Variants in NCAM1 observed in about 807,000 individuals in gnomAD.
NCAM1 encodes neural cell adhesion molecule 1.
In NCAM1, 14 loss-of-function variants were observed where a neutral mutation model predicts 109.8. The ratio of observed to expected loss-of-function variants is 0.13; its 90% CI spans 0.08 to 0.20. The LOEUF is 0.20. NCAM1 is among the 10% of genes least tolerant of loss of function. The pLI is 1.00. For missense variants in NCAM1, 774 were observed against 1,109.9 expected, an observed-to-expected ratio of 0.70 and a Z score of 4.30; for synonymous variants, 418 against 442.9, an observed-to-expected ratio of 0.94 and a Z score of 0.70.
At chr11:113,144,840 A>T (rs1941956806) in intron 1 of NCAM1, among the ~76,000 whole-genome samples, 1 of 152,202 alleles carries the variant, frequency 6.6e-6, no homozygotes. Flanking sequence ...CCTGGGGCAT[A>T]ATAGGTGTTG....
intron 1 of NCAM1, among the ~76,000 whole-genome samples, chr11:112,986,045 G>A (rs1421740654): frequency 6.6e-6 from 1 of 151,778 alleles, no homozygotes; most frequent in Non-Finnish European, 1.5e-5. Context: ...TTAGTTGTAG[G>A]CTAACATATA....
intron 1 of NCAM1, among the ~76,000 whole-genome samples, chr11:113,193,258 C>A (rs1456809799): frequency 6.6e-6 from 1 of 152,178 alleles, no homozygotes; most frequent in African/African-American, 2.4e-5. Context: ...TGGCTATGTG[C>A]TTGATCCACG....
chr11:113,178,827 C>T (rs575837507), intron 1 of NCAM1, among the ~76,000 whole-genome samples: 264 of 152,278 alleles, frequency 1.7e-3, no homozygotes, highest in Non-Finnish European at 2.9e-3. Context: ...TTACAGCATT[C>T]GAAGGCCAAC....
At chr11:113,004,475 G>A (rs1253649549) in intron 1 of NCAM1, among the ~76,000 whole-genome samples, 2 of 151,406 alleles carry the variant, frequency 1.3e-5, no homozygotes, top group Admixed American at 6.6e-5. Context: ...CTGGGTGACA[G>A]AGCAAGATTT....
chr11:113,005,890 T>C (rs1414649353), intron 1 of NCAM1, among the ~76,000 whole-genome samples: 1 of 152,224 alleles, frequency 6.6e-6, no homozygotes, highest in Non-Finnish European at 1.5e-5. Flanking sequence ...AATTTGGTTA[T>C]TCTGATTTTT....
chr11:113,161,071 T>C (rs1942584441), intron 1 of NCAM1, among the ~76,000 whole-genome samples: 1 of 151,926 alleles, frequency 6.6e-6, no homozygotes, highest in Admixed American at 6.6e-5. Flanking sequence ...GAGAAGAGAG[T>C]TGAGGGACAG....
chr11:113,189,666 G>A (rs1424381685), intron 1 of NCAM1, among the ~76,000 whole-genome samples: 1 of 152,006 alleles, frequency 6.6e-6, no homozygotes, highest in Non-Finnish European at 1.5e-5. Flanking sequence ...CCTTGGGGGT[G>A]AGGGGCTGTC....
chr11:113,155,518 A>G (rs1045757903), intron 1 of NCAM1, among the ~76,000 whole-genome samples: 1 of 151,826 alleles, frequency 6.6e-6, no homozygotes, highest in South Asian at 2.1e-4. Flanking sequence ...TAAAAAAAAA[A>G]ACAAAAAACA....
chr11:113,210,294 G>T (rs549646908), intron 7 of NCAM1, among the ~76,000 whole-genome samples: 5 of 152,074 alleles, frequency 3.3e-5, no homozygotes, highest in Non-Finnish European at 7.3e-5. Context: ...TCCTCATCAC[G>T]CCCCTATGAT....
intron 1 of NCAM1, among the ~76,000 whole-genome samples, chr11:113,021,003 C>T (rs1010645786): frequency 6.6e-6 from 1 of 152,088 alleles, no homozygotes; most frequent in African/African-American, 2.4e-5. Context: ...GTGATCTGCC[C>T]CCATCGGCCT....
chr11:113,135,111 G>A (rs1941550645), intron 1 of NCAM1, among the ~76,000 whole-genome samples: 1 of 152,152 alleles, frequency 6.6e-6, no homozygotes, highest in Non-Finnish European at 1.5e-5. Context: ...ATAGTGGAAA[G>A]GGTGGGAGCT....
intron 1 of NCAM1, among the ~76,000 whole-genome samples, chr11:113,179,255 T>G (rs1555107578): frequency 6.6e-6 from 1 of 152,244 alleles, no homozygotes; most frequent in African/African-American, 2.4e-5. Flanking sequence ...TAGCCTTGTT[T>G]TCTGTGAGAG....
At chr11:113,118,042 A>G (rs1424725393) in intron 1 of NCAM1, among the ~76,000 whole-genome samples, 3 of 151,966 alleles carry the variant, frequency 2.0e-5, no homozygotes, top group Non-Finnish European at 4.4e-5. Flanking sequence ...TTTTATTTTC[A>G]TGAGGTTTAG....
At chr11:112,978,013 G>A (rs906414305) in intron 1 of NCAM1, among the ~76,000 whole-genome samples, 7 of 151,752 alleles carry the variant, frequency 4.6e-5, no homozygotes, top group African/African-American at 1.7e-4. Context: ...GTCCCTTTTG[G>A]CCACTGCATT....
In NCAM1 at chr11:113,173,850, C is replaced by A. The variant is rs1235274279; in HGVS notation, c.53-28529C>A. ...GCACGGCAGGGCTGGTGGCCTCGGG[C>A]AGCAGGTTACTGTGCTTTATGAGTA... is the stretch of plus-strand genomic sequence containing the variant. On this transcript the variant is annotated intron_variant, in intron 1 of 19. Coordinates refer to ENST00000316851, the MANE Select transcript of NCAM1 (RefSeq NM_181351.5). Among the ~76,000 whole-genome samples, 4 of 151,860 alleles carry A rather than the reference C, an allele frequency of 2.6e-5. No individual in the cohort carries two copies. In the East Asian group the frequency reaches 7.7e-4, roughly 29 times the overall value.
At chr11:112,971,358 A>C (rs1240844750) in intron 1 of NCAM1, among the ~76,000 whole-genome samples, 2 of 151,974 alleles carry the variant, frequency 1.3e-5, no homozygotes, top group Non-Finnish European at 2.9e-5. Flanking sequence ...TCGAAGGAAG[A>C]ATGTGGGATC....
intron 1 of NCAM1, among the ~76,000 whole-genome samples, chr11:113,167,304 C>A (rs552265566): frequency 5.9e-5 from 9 of 152,214 alleles, no homozygotes; most frequent in Middle Eastern, 3.4e-3. Flanking sequence ...GGAAAAAATA[C>A]CATTGTTTCT....
At chr11:113,004,974 A>G (rs1555073072) in intron 1 of NCAM1, among the ~76,000 whole-genome samples, 1 of 149,800 alleles carries the variant, frequency 6.7e-6, no homozygotes, top group Non-Finnish European at 1.5e-5. Context: ...ATGTCTTTCA[A>G]CTCCAGTATT....
At chr11:113,042,344 G>A (rs977788853) in intron 1 of NCAM1, among the ~76,000 whole-genome samples, 1 of 152,108 alleles carries the variant, frequency 6.6e-6, no homozygotes, top group Non-Finnish European at 1.5e-5. Flanking sequence ...ATTCAGTGGC[G>A]CCTTCTCAAC....
Sources: allele counts gnomAD v4.1 joint callset (sites outside exome capture counted in the v4.1 genomes callset), GRCh38; gene constraint gnomAD v4.1.1; transcripts MANE v1.5; gene names NCBI Gene and HGNC (gene_info 2026-07-23, HGNC 2026-07-21).